VPS26A: variants seen among roughly 807,000 people sequenced by gnomAD.
VPS26A encodes VPS26 retromer complex component A.
Under a neutral mutation model 42.4 loss-of-function variants are expected in VPS26A, and 22 were observed. The observed-to-expected ratio is 0.52, with a 90% CI of 0.37 to 0.74. The LOEUF is 0.74. Ranked by LOEUF, VPS26A falls within the 30% of genes least tolerant of loss-of-function variation. The pLI is 0.00. For synonymous variants in VPS26A, 110 were observed against 123.5 expected, an observed-to-expected ratio of 0.89 and a Z score of 0.73; for missense variants, 276 against 379.2, an observed-to-expected ratio of 0.73 and a Z score of 2.26.
chr10:69,129,147 G>C (rs1262303011), intron 1 of VPS26A, among the ~76,000 whole-genome samples: 1 of 151,780 alleles, frequency 6.6e-6, no homozygotes, highest in African/African-American at 2.4e-5. Context: ...CAATATAACT[G>C]ATTTTGTTTT....
intron 6 of VPS26A, among the ~76,000 whole-genome samples, 177 bp from the exon 7 acceptor site, chr10:69,165,865 A>G (rs990718521): frequency 2.0e-5 from 3 of 152,036 alleles, no homozygotes; most frequent in Non-Finnish European, 2.9e-5. Context: ...AGGATTGCTT[A>G]AGCCCAGGAG....
At chr10:69,132,503 C>T (rs1043699779) in intron 1 of VPS26A, among the ~76,000 whole-genome samples, 3 of 150,366 alleles carry the variant, frequency 2.0e-5, no homozygotes, top group African/African-American at 4.9e-5. Flanking sequence ...AGTGCAATGG[C>T]GCGATCTTGG....
Position 69,169,073 on chromosome 10 carries a change from G to GTC in VPS26A, c.870+445_870+446dup, listed in dbSNP as rs570798878. Among the ~76,000 whole-genome samples, 161 of 146,350 alleles carry GTC rather than the reference G, an allele frequency of 1.1e-3. 1 individual carries two copies. Among genetic ancestry groups the GTC allele is most frequent in the Non-Finnish European group, 2.0e-3 (136 of 66,380 alleles). ...GTTTTTAATTTTTTGTAGAGACAGA[G>GTC]TCTCACTGTGTTGCCCGGGCTGGTC... is the stretch of plus-strand genomic sequence containing the variant. On this transcript the variant is annotated intron_variant, in intron 8 of 8. Coordinates refer to ENST00000263559, the MANE Select transcript of VPS26A (RefSeq NM_004896.5).
In VPS26A at chr10:69,161,986, A is replaced by G. The variant is rs1384366066; in HGVS notation, c.552-420A>G. On this transcript the variant is annotated intron_variant, in intron 5 of 8. Transcript: ENST00000263559. ...TCAGCAGCGGCAAGGAAAGAGCTCAAAATAGTACTTTTTTTTTTTTTTTTT... is the reference window on the plus strand; with the variant it reads ...TCAGCAGCGGCAAGGAAAGAGCTCAGAATAGTACTTTTTTTTTTTTTTTTT... 2.6e-5 allele frequency: 4 copies of G among 153,490 alleles called. No homozygotes were observed. In the South Asian group the frequency reaches 5.3e-4, roughly 20 times the overall value. The allele number at this position is 153,490 out of a possible 1,614,324, so 9.5% of individuals were successfully genotyped here.
intron 4 of VPS26A, 58 bp downstream of exon 4, chr10:69,157,221 G>A: frequency 6.6e-7 from 1 of 1,506,268 alleles, no homozygotes; most frequent in Non-Finnish European, 8.9e-7. Flanking sequence ...AATGACTACT[G>A]TTGATATCTT....
intron 2 of VPS26A, among the ~76,000 whole-genome samples, chr10:69,153,046 G>T (rs1288015888): frequency 2.9e-5 from 4 of 137,120 alleles, no homozygotes; most frequent in East Asian, 2.1e-4. Flanking sequence ...ATGTTAAGTT[G>T]TTTTTTTTTT....
At chr10:69,131,504 G>A (rs1177525860) in intron 1 of VPS26A, among the ~76,000 whole-genome samples, 4 of 152,150 alleles carry the variant, frequency 2.6e-5, no homozygotes. Context: ...GGAGGCCAAG[G>A]CGAGTGGATC....
chr10:69,164,663 G>C (rs1406466804), intron 6 of VPS26A, among the ~76,000 whole-genome samples: 1 of 152,172 alleles, frequency 6.6e-6, no homozygotes, highest in Non-Finnish European at 1.5e-5. Flanking sequence ...GCCATGGTTA[G>C]AAAGGTCTTT....
At chr10:69,153,991 A>G (rs1202500928) in intron 2 of VPS26A, among the ~76,000 whole-genome samples, 1 of 152,186 alleles carries the variant, frequency 6.6e-6, no homozygotes, top group Non-Finnish European at 1.5e-5. Context: ...AGGATTGTAA[A>G]CACATGCAGA....
chr10:69,124,795 C>G (rs143052211), intron 1 of VPS26A, among the ~76,000 whole-genome samples: 226 of 152,342 alleles, frequency 1.5e-3, no homozygotes, highest in Admixed American at 3.5e-3. Flanking sequence ...CCAGTTCAGG[C>G]TTTCTGTTGA....
chr10:69,137,290 G>A (rs185303073), intron 2 of VPS26A, among the ~76,000 whole-genome samples: 19 of 152,228 alleles, frequency 1.2e-4, no homozygotes, highest in Middle Eastern at 6.8e-3. Context: ...ACAAATTTAT[G>A]TCTTAGGATT....
At chr10:69,133,293 C>T (rs1187961052) in intron 2 of VPS26A, among the ~76,000 whole-genome samples, 1 of 151,702 alleles carries the variant, frequency 6.6e-6, no homozygotes, top group Non-Finnish European at 1.5e-5. Context: ...TTTAAGTCTC[C>T]TGTGTGGTTC....
intron 2 of VPS26A, among the ~76,000 whole-genome samples, chr10:69,146,646 T>C (rs535989955): frequency 1.3e-5 from 2 of 152,328 alleles, no homozygotes; most frequent in East Asian, 3.9e-4. Flanking sequence ...TTAGATATTT[T>C]GTATAAGTGG....
At chr10:69,145,168 T>TG (rs11421290) in intron 2 of VPS26A, among the ~76,000 whole-genome samples, 115,073 of 151,812 alleles carry the variant, frequency 0.76, 45,700 homozygotes, top group Non-Finnish European at 0.89. Flanking sequence ...CCTGAGTAGC[T>TG]GGATTACAGG....
chr10:69,127,046 C>T (rs1456045924), intron 1 of VPS26A, among the ~76,000 whole-genome samples: 1 of 150,172 alleles, frequency 6.7e-6, no homozygotes, highest in Non-Finnish European at 1.5e-5. Flanking sequence ...GCAACTTCCG[C>T]CTCCTGAGTA....
intron 2 of VPS26A, among the ~76,000 whole-genome samples, chr10:69,134,762 A>G (rs556891215): frequency 1.3e-5 from 2 of 151,842 alleles, no homozygotes; most frequent in East Asian, 3.9e-4. Flanking sequence ...TTTGGTTTTC[A>G]ACTTTACTTC....
At chr10:69,161,269 T>C (rs868012058) in intron 5 of VPS26A, among the ~76,000 whole-genome samples, 10 of 152,102 alleles carry the variant, frequency 6.6e-5, no homozygotes, top group African/African-American at 1.9e-4. Flanking sequence ...CTATGTTGCC[T>C]AGGCTGGTCT....
intron 2 of VPS26A, among the ~76,000 whole-genome samples, chr10:69,138,321 G>A (rs1589348444): frequency 6.6e-6 from 1 of 152,156 alleles, no homozygotes; most frequent in African/African-American, 2.4e-5. Flanking sequence ...GACTAATGCT[G>A]ATGTGAACAT....
chr10:69,153,977 C>T (rs1449705264), intron 2 of VPS26A, among the ~76,000 whole-genome samples: 2 of 152,002 alleles, frequency 1.3e-5, no homozygotes, highest in Non-Finnish European at 2.9e-5. Context: ...AAGGGGAACC[C>T]GGTAGGATTG....
Sources: allele counts gnomAD v4.1 joint callset (sites outside exome capture counted in the v4.1 genomes callset), GRCh38; gene constraint gnomAD v4.1.1; transcripts MANE v1.5; gene names NCBI Gene and HGNC (gene_info 2026-07-23, HGNC 2026-07-21).